RAP2C: variants seen among roughly 807,000 people sequenced by gnomAD.
RAP2C encodes the protein RAP2C, member of RAS oncogene family, also known as ras-related protein Rap-2c.
Under a neutral mutation model 8.9 loss-of-function variants are expected in RAP2C, and 3 were observed. The ratio of observed to expected loss-of-function variants is 0.34; its 90% CI spans 0.15 to 0.87. The LOEUF (loss-of-function observed/expected upper bound fraction) is 0.87, where lower values mean the gene tolerates loss of function less well. RAP2C is among the 40% of genes least tolerant of loss of function. RAP2C has a pLI of 0.51. For synonymous variants in RAP2C, 60 were observed against 52.1 expected, an observed-to-expected ratio of 1.15 and a Z score of -0.65; for missense variants, 76 against 133.7, an observed-to-expected ratio of 0.57 and a Z score of 2.13.
chrX:132,217,076 C>G lies in RAP2C; in HGVS notation c.193G>C (p.Ala65Pro). 1 of 1,195,635 alleles carries G rather than the reference C, an allele frequency of 8.4e-7. No individual in the cohort carries two copies. The highest frequency in any genetic ancestry group is 1.1e-6 in the Non-Finnish European group (1 of 886,948). The change falls in exon 4 of 6, where the codon GCC (alanine) becomes CCC (proline). Residue 65 changes from alanine (A) to proline (P), a missense_variant. Transcript: ENST00000370874. ...ILDTAGTEQF[A>P]SMRDLYIKNG... is the part of the protein sequence containing the mutation. ...TTGATGTAGAGATCTCTCATGGAGG[C>G]AAACTGCTCAGTTCCTGCGGTGTCC...
chrX:132,207,616 T>C (rs1930308821), intron 5 of RAP2C, among the ~76,000 whole-genome samples: 1 of 111,953 alleles, frequency 8.9e-6, no homozygotes, highest in Non-Finnish European at 1.9e-5. Context: ...TTATCTGCAG[T>C]AATAAATCCT....
chrX:132,203,109 CTA>C lies in RAP2C; in HGVS notation c.*2511_*2512del, dbSNP rs977498698. On this transcript the variant is annotated 3_prime_UTR_variant, in exon 6 of 6. Transcript: ENST00000370874. ...TCTTACAAAATGACAAGAATGAAAT[CTA>C]TTGGAAAAATTTTACTTTTACAAAT... 2.7e-5 allele frequency: 3 copies of C among 111,841 alleles called. No homozygotes were observed. Among genetic ancestry groups the C allele is most frequent in the African/African-American group, 9.8e-5 (3 of 30,716 alleles). The allele number at this position is 111,841 out of a possible 1,213,427, so 9.2% of individuals were successfully genotyped here.
chrX:132,215,604 G>A (rs1930557064), intron 4 of RAP2C, among the ~76,000 whole-genome samples: 1 of 111,383 alleles, frequency 9.0e-6, no homozygotes, highest in South Asian at 3.7e-4. Flanking sequence ...TAACGGCACA[G>A]TTTTTCACTC....
Position 132,217,019 on chromosome X carries a change from G to A in RAP2C, c.250C>T (p.Leu84=). The part of the protein sequence containing the change: ...NGQGFILVYS[L]VNQQSFQDIK... Reference sequence around the variant, plus strand: ...ACCTGAAAAGACTGTTGATTAACCAGGCTATAAACCAGGATGAAACCTTGG... The same window carrying A: ...ACCTGAAAAGACTGTTGATTAACCAAGCTATAAACCAGGATGAAACCTTGG... The change falls in exon 4 of 6, where the codon CTG becomes TTG. Residue 84 remains leucine, a synonymous_variant. Coordinates refer to ENST00000370874, the MANE Select transcript of RAP2C (RefSeq NM_001271186.2). The A allele has an allele frequency of 1.7e-6, 2 of 1,149,612 alleles. No homozygotes were observed. The highest frequency in any genetic ancestry group is 4.2e-5 in the South Asian group (2 of 47,216). 94.7% of individuals were successfully genotyped at this position (1,149,612 alleles called of 1,213,427 possible). A position where few individuals can be genotyped will look rare whatever the true frequency, so the allele number is the denominator to read the frequency against.
chrX:132,219,300 A>G (rs1439527415), intron 1 of RAP2C, 70 bp downstream of exon 1: 2 of 112,472 alleles, frequency 1.8e-5, no homozygotes, highest in Non-Finnish European at 3.8e-5. Flanking sequence ...GTTGGACATT[A>G]GAACACAGGC....
chrX:132,212,052 A>G (rs1466146882), intron 5 of RAP2C, among the ~76,000 whole-genome samples: 1 of 110,450 alleles, frequency 9.1e-6, no homozygotes, highest in Non-Finnish European at 1.9e-5. Flanking sequence ...TCAGAAAAAA[A>G]AAAAACCTGC....
At chrX:132,206,940 A>G (rs934097196) in intron 5 of RAP2C, among the ~76,000 whole-genome samples, 4 of 112,181 alleles carry the variant, frequency 3.6e-5, no homozygotes, top group Non-Finnish European at 7.5e-5. Context: ...CGAAAAAGGG[A>G]TAAAAATACT....
chrX:132,216,504 G>C (rs1312162602), intron 4 of RAP2C, among the ~76,000 whole-genome samples: 4 of 81,642 alleles, frequency 4.9e-5, no homozygotes, highest in Admixed American at 2.0e-4. Flanking sequence ...ATCTAGTTGA[G>C]AAACTTGAGA....
intron 1 of RAP2C, 91 bp downstream of exon 1, chrX:132,219,279 C>T (rs775618546): frequency 4.4e-4 from 49 of 112,317 alleles, no homozygotes; most frequent in African/African-American, 1.4e-3. Flanking sequence ...ATTTATTACT[C>T]AGCCTAAATT....
chrX:132,211,250 C>T (rs777562665), intron 5 of RAP2C, among the ~76,000 whole-genome samples: 2 of 111,336 alleles, frequency 1.8e-5, no homozygotes, highest in South Asian at 7.6e-4. Context: ...CTCTCCTTTC[C>T]CTGAACTCCC....
chrX:132,203,611 C>T lies in RAP2C; in HGVS notation c.*2011G>A, dbSNP rs1400230662. ...AGAAACATTATAAAAAAATCAAAAT[C>T]TCTAGAAAATTTAAATCATGATGAA... On this transcript the variant is annotated 3_prime_UTR_variant, in exon 6 of 6. Transcript: ENST00000370874. 9.2e-6 allele frequency: 1 copy of T among 108,261 alleles called. No homozygotes were observed. The highest frequency in any genetic ancestry group is 2.9e-4 in the East Asian group (1 of 3,418). 8.9% of individuals were successfully genotyped at this position (108,261 alleles called of 1,213,427 possible). A position where few individuals can be genotyped will look rare whatever the true frequency, so the allele number is the denominator to read the frequency against.
At chrX:132,214,664 T>C in intron 4 of RAP2C, 2 of 509,859 alleles carry the variant, frequency 3.9e-6, no homozygotes, top group Non-Finnish European at 2.4e-6. Context: ...GTCAAGAATA[T>C]AAAACATGGG....
chrX:132,207,160 A>G (rs1000105946), intron 5 of RAP2C, among the ~76,000 whole-genome samples: 5 of 111,866 alleles, frequency 4.5e-5, no homozygotes, highest in Non-Finnish European at 9.4e-5. Context: ...CTTTTTAGTA[A>G]TTTAGAAAGA....
intron 4 of RAP2C, 46 bp downstream of exon 4, chrX:132,216,950 A>G: frequency 9.2e-7 from 1 of 1,091,138 alleles, no homozygotes; most frequent in Non-Finnish European, 1.2e-6. Flanking sequence ...TCGATGTCGG[A>G]TTACCACACC....
chrX:132,210,447 T>C (rs1430374357), intron 5 of RAP2C, among the ~76,000 whole-genome samples: 1 of 112,391 alleles, frequency 8.9e-6, no homozygotes, highest in Admixed American at 9.4e-5. Context: ...AGTCTTTCAG[T>C]AGCCTTTGTT....
chrX:132,205,742 TA>T (rs1171433876), intron 5 of RAP2C, among the ~76,000 whole-genome samples, 155 bp from the exon 6 acceptor site: 1 of 109,146 alleles, frequency 9.2e-6, no homozygotes, highest in African/African-American at 3.3e-5. Context: ...GATAAGTCAT[TA>T]AAAAAAAATA....
Position 132,217,301 on chromosome X carries a change from G to C in RAP2C, c.-33C>G. 1 of 1,059,414 alleles carries C rather than the reference G, an allele frequency of 9.4e-7. No individual in the cohort carries two copies. The highest frequency in any genetic ancestry group is 1.2e-6 in the Non-Finnish European group (1 of 814,394). 87.3% of individuals were successfully genotyped at this position (1,059,414 alleles called of 1,213,427 possible). A position where few individuals can be genotyped will look rare whatever the true frequency, so the allele number is the denominator to read the frequency against. ...ACCTTCACCAACTCCTACCAGAGGG[G>C]GGGAAAGATCACCCCGCTAGCTGTG... On this transcript the variant is annotated 5_prime_UTR_variant, in exon 4 of 6. Transcript: ENST00000370874.
intron 4 of RAP2C, among the ~76,000 whole-genome samples, chrX:132,216,283 A>G (rs5977658): frequency 0.1 from 11,547 of 111,542 alleles, 577 homozygotes; most frequent in African/African-American, 0.19. Flanking sequence ...TCCCAGACCC[A>G]CGTATTTTCT....
Position 132,209,972 on chromosome X carries a change from A to C in RAP2C, c.*34+4162T>G, listed in dbSNP as rs142986825. Among the ~76,000 whole-genome samples the C allele has an allele frequency of 5.9e-3, 658 of 111,119 alleles. 6 individuals are homozygous for C. Among genetic ancestry groups the C allele is most frequent in the African/African-American group, 0.021 (635 of 30,586 alleles). ...TTTCCCTTTTACCCAAGGTTCGCTGAGGGCCTTTATGGTACATACCACCCC... is the reference window on the plus strand; with the variant it reads ...TTTCCCTTTTACCCAAGGTTCGCTGCGGGCCTTTATGGTACATACCACCCC... On this transcript the variant is annotated intron_variant, in intron 5 of 5. Coordinates refer to ENST00000370874, the MANE Select transcript of RAP2C (RefSeq NM_001271186.2).
Sources: allele counts gnomAD v4.1 joint callset (sites outside exome capture counted in the v4.1 genomes callset), GRCh38; gene constraint gnomAD v4.1.1; transcripts MANE v1.5; gene names NCBI Gene and HGNC (gene_info 2026-07-23, HGNC 2026-07-21).